Variants in CLSTN2 observed in about 807,000 individuals in gnomAD.
The protein encoded by CLSTN2 is calsyntenin-2.
Under a neutral mutation model 101.2 loss-of-function variants are expected in CLSTN2, and 48 were observed. That is an observed-to-expected ratio of 0.47 (90% CI 0.38 to 0.60). The LOEUF is 0.60. CLSTN2 is among the 20% of genes least tolerant of loss of function. The pLI, the probability that CLSTN2 is intolerant of heterozygous loss-of-function variation, is 0.00. For missense variants in CLSTN2, 1,160 were observed against 1,238.2 expected, an observed-to-expected ratio of 0.94 and a Z score of 0.95; for synonymous variants, 481 against 463.6, an observed-to-expected ratio of 1.04 and a Z score of -0.48.
chr3:140,116,481 A>C lies in CLSTN2; in HGVS notation c.110-59470A>C, dbSNP rs1576432557. On this transcript the variant is annotated intron_variant, in intron 1 of 16. Coordinates refer to ENST00000458420, the MANE Select transcript of CLSTN2 (RefSeq NM_022131.3). ...GGAATCAGGAATTTACCTTGAATTG[A>C]AAATGGACTGGTTTTCTCCTTTTGA... Among the ~76,000 whole-genome samples the C allele has an allele frequency of 2.0e-5, 3 of 152,148 alleles. No individual in the cohort carries two copies. The East Asian group carries it at 5.8e-4, about 29-fold the overall frequency.
chr3:140,462,387 G>A (rs1039974110), intron 7 of CLSTN2, among the ~76,000 whole-genome samples: 2 of 152,152 alleles, frequency 1.3e-5, no homozygotes, highest in African/African-American at 4.8e-5. Flanking sequence ...ACACAGCAAT[G>A]CTGTAAAGAG....
At chr3:140,009,496 ATATT>A (rs1312727006) in intron 1 of CLSTN2, among the ~76,000 whole-genome samples, 3 of 152,236 alleles carry the variant, frequency 2.0e-5, no homozygotes, top group African/African-American at 4.8e-5. Context: ...TATTCAATAA[ATATT>A]TATTGAATTC....
intron 2 of CLSTN2, among the ~76,000 whole-genome samples, chr3:140,206,332 C>G (rs2010782099): frequency 6.6e-6 from 1 of 152,170 alleles, no homozygotes; most frequent in Non-Finnish European, 1.5e-5. Flanking sequence ...TGGGCTAGCC[C>G]TGCAGAGCTC....
intron 2 of CLSTN2, among the ~76,000 whole-genome samples, chr3:140,270,758 A>G (rs1400299462): frequency 6.6e-6 from 1 of 152,126 alleles, no homozygotes; most frequent in African/African-American, 2.4e-5. Flanking sequence ...ATTTCCTCAC[A>G]CCCACAGAAG....
At chr3:140,182,664 T>A (rs560227296) in intron 2 of CLSTN2, among the ~76,000 whole-genome samples, 31 of 152,242 alleles carry the variant, frequency 2.0e-4, no homozygotes, top group African/African-American at 7.5e-4. Flanking sequence ...AAAGGTCAAT[T>A]CTTCACCCTC....
intron 2 of CLSTN2, among the ~76,000 whole-genome samples, chr3:140,193,850 T>C (rs1329229835): frequency 1.3e-5 from 2 of 152,024 alleles, no homozygotes; most frequent in Non-Finnish European, 2.9e-5. Flanking sequence ...TAATAACTAA[T>C]TGAGTTATTC....
At chr3:140,394,605 C>T (rs544597184) in intron 2 of CLSTN2, among the ~76,000 whole-genome samples, 1 of 146,730 alleles carries the variant, frequency 6.8e-6, no homozygotes, top group Admixed American at 7.0e-5. Flanking sequence ...CCTATTGCAG[C>T]CTTTGCAGTA....
chr3:140,091,848 A>G (rs541575521), intron 1 of CLSTN2, among the ~76,000 whole-genome samples: 1 of 152,346 alleles, frequency 6.6e-6, no homozygotes, highest in African/African-American at 2.4e-5. Flanking sequence ...TTGCCTCACC[A>G]TACAACAATG....
At chr3:140,148,113 G>A (rs750751081) in intron 1 of CLSTN2, among the ~76,000 whole-genome samples, 5 of 152,224 alleles carry the variant, frequency 3.3e-5, no homozygotes, top group African/African-American at 7.2e-5. Flanking sequence ...TACTGTTCAC[G>A]CAATTGCTCC....
At chr3:140,399,682 A>T (rs999215763) in intron 2 of CLSTN2, among the ~76,000 whole-genome samples, 1 of 152,170 alleles carries the variant, frequency 6.6e-6, no homozygotes. Flanking sequence ...AAACAAACTC[A>T]ACTGTTTTAA....
At chr3:140,013,567 A>C (rs1235497124) in intron 1 of CLSTN2, among the ~76,000 whole-genome samples, 1 of 152,186 alleles carries the variant, frequency 6.6e-6, no homozygotes, top group East Asian at 1.9e-4. Context: ...TTTCAATCCA[A>C]ATATATAAAC....
chr3:139,962,546 G>T (rs1177974817), intron 1 of CLSTN2, among the ~76,000 whole-genome samples: 1 of 152,120 alleles, frequency 6.6e-6, no homozygotes, highest in Non-Finnish European at 1.5e-5. Flanking sequence ...GAACAAGAAA[G>T]ATTAGCAGAT....
At chr3:140,032,676 G>A (rs1434468936) in intron 1 of CLSTN2, among the ~76,000 whole-genome samples, 3 of 152,206 alleles carry the variant, frequency 2.0e-5, no homozygotes, top group Admixed American at 2.0e-4. Context: ...CTGGTACAGG[G>A]TTGCAGAGGT....
intron 2 of CLSTN2, among the ~76,000 whole-genome samples, chr3:140,326,669 CT>C (rs2087334660): frequency 6.6e-6 from 1 of 152,172 alleles, no homozygotes; most frequent in South Asian, 2.1e-4. Context: ...AGCTACCACC[CT>C]TTTTGTCCTG....
intron 5 of CLSTN2, among the ~76,000 whole-genome samples, chr3:140,444,780 G>A (rs1282493783): frequency 1.3e-5 from 2 of 152,174 alleles, no homozygotes; most frequent in Non-Finnish European, 1.5e-5. Context: ...TACATGATTT[G>A]CCCAAAGTTA....
chr3:140,267,669 G>C (rs2086707746), intron 2 of CLSTN2, among the ~76,000 whole-genome samples: 1 of 152,172 alleles, frequency 6.6e-6, no homozygotes, highest in Non-Finnish European at 1.5e-5. Flanking sequence ...AAGTTTTGCT[G>C]TGCCCCAGGC....
chr3:139,941,952 G>A (rs182428495), intron 1 of CLSTN2, among the ~76,000 whole-genome samples: 1 of 152,244 alleles, frequency 6.6e-6, no homozygotes, highest in East Asian at 1.9e-4. Context: ...TTTTACAGAG[G>A]AGTAAACTGA....
At chr3:139,959,291 T>C (rs1935462303) in intron 1 of CLSTN2, among the ~76,000 whole-genome samples, 1 of 152,202 alleles carries the variant, frequency 6.6e-6, no homozygotes, top group Non-Finnish European at 1.5e-5. Flanking sequence ...TGCCTTGCCA[T>C]TTGCTGCTTA....
chr3:140,083,721 C>A (rs1443793950), intron 1 of CLSTN2, among the ~76,000 whole-genome samples: 1 of 152,206 alleles, frequency 6.6e-6, no homozygotes, highest in African/African-American at 2.4e-5. Context: ...TGGCTTTTAT[C>A]CCACCTGTGC....
Sources: gnomAD v4.1 joint callset for allele counts (sites outside exome capture counted in the v4.1 genomes callset) on GRCh38, gnomAD v4.1.1 for gene constraint, MANE v1.5 for transcripts, NCBI Gene and HGNC (gene_info 2026-07-23, HGNC 2026-07-21) for gene names.